Variants in GSK3B observed in about 807,000 individuals in gnomAD.
The protein encoded by GSK3B is glycogen synthase kinase 3 beta.
GSK3B carries 15 observed loss-of-function variants against 56.4 expected under a neutral mutation model. The observed-to-expected ratio is 0.27, with a 90% CI of 0.18 to 0.41. GSK3B has a LOEUF of 0.41. GSK3B is among the 10% of genes least tolerant of loss of function. The pLI is 1.00. For synonymous variants in GSK3B, 181 were observed against 188.9 expected, an observed-to-expected ratio of 0.96 and a Z score of 0.34; for missense variants, 300 against 513.4, an observed-to-expected ratio of 0.58 and a Z score of 4.02.
chr3:119,891,535 A>G (rs1219154306), intron 7 of GSK3B, among the ~76,000 whole-genome samples: 1 of 152,176 alleles, frequency 6.6e-6, no homozygotes, highest in Non-Finnish European at 1.5e-5. Context: ...ATAGATAAAA[A>G]AGATGTTTGA....
At chr3:119,896,120 T>A (rs902511370) in intron 7 of GSK3B, among the ~76,000 whole-genome samples, 1 of 147,342 alleles carries the variant, frequency 6.8e-6, no homozygotes, top group African/African-American at 2.5e-5. Context: ...AGAGCGAGAC[T>A]CTGTCTCAAA....
chr3:119,959,937 T>C (rs868501919), intron 2 of GSK3B, among the ~76,000 whole-genome samples: 2 of 152,050 alleles, frequency 1.3e-5, no homozygotes, highest in Non-Finnish European at 2.9e-5. Flanking sequence ...CTCTTGGGCA[T>C]ATGTTTTATA....
intron 10 of GSK3B, 110 bp from the exon 11 acceptor site, chr3:119,826,965 T>C: frequency 4.3e-6 from 3 of 692,174 alleles, no homozygotes; most frequent in Non-Finnish European, 7.7e-6. Flanking sequence ...TTCCAAGCTG[T>C]TATTTGGAAC....
chr3:120,081,177 C>G (rs76011210), intron 1 of GSK3B, among the ~76,000 whole-genome samples: 2,455 of 152,070 alleles, frequency 0.016, 64 homozygotes, highest in African/African-American at 0.056. Context: ...CCACTCAGTG[C>G]TAAGCACACA....
rs114839744 is a variant in GSK3B at position 120,028,778 on chromosome 3, C to T, written c.89-26539G>A. ...GCTGGGCAGAGAGAGGTTGGGGCAG[C>T]GACCAGGCGTGGTCTCCGCCAGTGG... On this transcript the variant is annotated intron_variant, in intron 1 of 10. Transcript: ENST00000264235. 8.8e-5 allele frequency: 41 copies of T among 466,934 alleles called. 1 individual carries two copies. Among genetic ancestry groups the T allele is most frequent in the African/African-American group, 5.7e-4 (29 of 50,808 alleles). 28.9% of individuals were successfully genotyped at this position (466,934 alleles called of 1,614,324 possible).
chr3:120,020,122 C>T (rs998948618), intron 1 of GSK3B, among the ~76,000 whole-genome samples: 1 of 152,074 alleles, frequency 6.6e-6, no homozygotes, highest in African/African-American at 2.4e-5. Context: ...AGATAGAGTA[C>T]CTCCAAACAA....
chr3:119,927,990 G>C (rs1040645261), intron 3 of GSK3B, among the ~76,000 whole-genome samples: 1 of 152,144 alleles, frequency 6.6e-6, no homozygotes, highest in Non-Finnish European at 1.5e-5. Flanking sequence ...GAGGTTATTC[G>C]ATCTATACCC....
At chr3:119,986,615 A>C (rs1194396635) in intron 2 of GSK3B, among the ~76,000 whole-genome samples, 2 of 152,188 alleles carry the variant, frequency 1.3e-5, no homozygotes, top group Non-Finnish European at 2.9e-5. Flanking sequence ...GAGAAACACA[A>C]ATCAAAACCA....
intron 2 of GSK3B, among the ~76,000 whole-genome samples, chr3:119,965,227 A>ATT (rs772430757): frequency 1.7e-5 from 2 of 119,576 alleles, no homozygotes; most frequent in African/African-American, 6.2e-5. Context: ...TAATTTTTGT[A>ATT]TTTTTTTTTT....
At chr3:119,827,585 TAAAAAAA>T (rs1156408098) in intron 10 of GSK3B, among the ~76,000 whole-genome samples, 1 of 42,110 alleles carries the variant, frequency 2.4e-5, no homozygotes, top group African/African-American at 8.7e-5. Flanking sequence ...ATACCGTCTT[TAAAAAAA>T]AAAAAAAAAA....
At chr3:119,936,341 T>A (rs866695519) in intron 3 of GSK3B, among the ~76,000 whole-genome samples, 4 of 105,490 alleles carry the variant, frequency 3.8e-5, no homozygotes, top group African/African-American at 1.8e-4. Context: ...ATAAAAAATA[T>A]ATATATATAT....
intron 1 of GSK3B, among the ~76,000 whole-genome samples, chr3:120,055,904 T>C (rs2058188049): frequency 1.3e-5 from 2 of 152,240 alleles, no homozygotes; most frequent in African/African-American, 4.8e-5. Flanking sequence ...AAGTGATTAT[T>C]TACATCAGTG....
intron 8 of GSK3B, 106 bp from the exon 9 acceptor site, chr3:119,863,711 T>C (rs1172812266): frequency 1.4e-6 from 1 of 704,728 alleles, no homozygotes; most frequent in Non-Finnish European, 2.4e-6. Context: ...GAAACATGGT[T>C]GCATTTGGGA....
intron 10 of GSK3B, among the ~76,000 whole-genome samples, chr3:119,835,432 C>T (rs1313654681): frequency 6.6e-6 from 1 of 152,048 alleles, no homozygotes; most frequent in Admixed American, 6.5e-5. Context: ...ACCAAAAGTC[C>T]AAGAATAAGA....
intron 1 of GSK3B, among the ~76,000 whole-genome samples, chr3:120,077,908 C>T (rs1458379461): frequency 6.6e-6 from 1 of 151,936 alleles, no homozygotes; most frequent in East Asian, 1.9e-4. Flanking sequence ...ACTGTAAGGC[C>T]CCGGAATAAA....
intron 2 of GSK3B, among the ~76,000 whole-genome samples, chr3:119,966,174 A>G (rs3853592): frequency 0.11 from 17,060 of 152,212 alleles, 1,116 homozygotes; most frequent in African/African-American, 0.19. Flanking sequence ...TGAGTTGGCC[A>G]GCCTTAGTTC....
intron 1 of GSK3B, among the ~76,000 whole-genome samples, chr3:120,047,791 G>C (rs754642320): frequency 1.3e-5 from 2 of 152,150 alleles, no homozygotes; most frequent in African/African-American, 2.4e-5. Flanking sequence ...ATAACTGGTA[G>C]GGTATTTGTT....
intron 1 of GSK3B, among the ~76,000 whole-genome samples, chr3:120,054,498 T>G (rs1475275988): frequency 1.3e-5 from 2 of 152,202 alleles, no homozygotes; most frequent in Non-Finnish European, 2.9e-5. Context: ...GGATTTAACA[T>G]TTCAGATCCC....
At chr3:119,905,334 G>A (rs894744012) in intron 7 of GSK3B, among the ~76,000 whole-genome samples, 1 of 151,880 alleles carries the variant, frequency 6.6e-6, no homozygotes, top group African/African-American at 2.4e-5. Flanking sequence ...TATAAATACT[G>A]AATAAATATA....
Sources: gnomAD v4.1 joint callset for allele counts (sites outside exome capture counted in the v4.1 genomes callset) on GRCh38, gnomAD v4.1.1 for gene constraint, MANE v1.5 for transcripts, NCBI Gene and HGNC (gene_info 2026-07-23, HGNC 2026-07-21) for gene names.